The following KAZN variants were observed in gnomAD, a reference collection of about 807,000 sequenced individuals.
KAZN encodes the protein kazrin, periplakin interacting protein.
A neutral mutation model predicts 87.4 loss-of-function variants in KAZN; 40 were observed. The ratio of observed to expected loss-of-function variants is 0.46; its 90% confidence interval spans 0.36 to 0.60. The LOEUF (loss-of-function observed/expected upper bound fraction) is 0.60. Ranked by LOEUF, KAZN falls within the 20% of genes least tolerant of loss-of-function variation. The pLI is 0.00. For synonymous variants in KAZN, 466 were observed against 458.3 expected (o/e 1.02, Z -0.22); for missense variants, 898 against 1,073.9 (o/e 0.84, Z 2.29).
chr1:14,006,461 T>A (rs1410179819), intron 1 of KAZN, among the ~76,000 whole-genome samples: 2 of 152,232 alleles, frequency 1.3e-5, no homozygotes, highest in African/African-American at 4.8e-5. Context: ...GGAAATTTTC[T>A]ACGAATTTTA....
rs189805233 is a variant in KAZN, at chr1:14,669,744, C to G, written c.226+70521C>G. Among the ~76,000 whole-genome samples, 332 of 152,260 alleles carry G rather than the reference C, an allele frequency of 2.2e-3. 5 individuals carry two copies. Among genetic ancestry groups the G allele is most frequent in the East Asian group, 1.7e-3 (9 of 5,190 alleles). On this transcript the variant is annotated intron_variant, in intron 1 of 14. Transcript: ENST00000376030. Reference sequence around the variant, plus strand: ...CCTTGGTGACAAAATGAGAGCCTGTCTCTAAGAAACAAACAAACAAAAAAC... The same window carrying G: ...CCTTGGTGACAAAATGAGAGCCTGTGTCTAAGAAACAAACAAACAAAAAAC...
At chr1:14,924,321 A>G in intron 1 of KAZN, 3 of 985,812 alleles carry the variant, frequency 3.0e-6, no homozygotes, top group Non-Finnish European at 3.6e-6. Context: ...GCGCCGTCGG[A>G]GCCCCTCGCG....
At chr1:14,203,640 A>C (rs16853788) in intron 2 of KAZN, among the ~76,000 whole-genome samples, 6,040 of 152,300 alleles carry the variant, frequency 0.04, 187 homozygotes, top group East Asian at 0.098. Flanking sequence ...GGCCTTCTGA[A>C]AAGGTGGCCT....
chr1:14,330,748 A>C (rs1259933468), intron 2 of KAZN, among the ~76,000 whole-genome samples: 1 of 152,142 alleles, frequency 6.6e-6, no homozygotes. Flanking sequence ...AATTCTAAGC[A>C]TGAATGCGTG....
chr1:14,150,636 T>C (rs1645452144), intron 1 of KAZN, among the ~76,000 whole-genome samples: 1 of 152,174 alleles, frequency 6.6e-6, no homozygotes, highest in African/African-American at 2.4e-5. Context: ...TGGTATCAAC[T>C]AGGAGCCATG....
intron 2 of KAZN, among the ~76,000 whole-genome samples, chr1:14,568,719 C>G (rs1292204522): frequency 6.6e-6 from 1 of 152,178 alleles, no homozygotes; most frequent in Non-Finnish European, 1.5e-5. Context: ...CTCTTGATAC[C>G]CTGAGCAGAA....
intron 1 of KAZN, among the ~76,000 whole-genome samples, chr1:14,704,005 A>G (rs1367210442): frequency 6.6e-6 from 1 of 152,248 alleles, no homozygotes; most frequent in Non-Finnish European, 1.5e-5. Flanking sequence ...TACCAAGTCC[A>G]GGATTAGACA....
chr1:14,124,696 G>A (rs375062711), intron 1 of KAZN, among the ~76,000 whole-genome samples: 1 of 113,528 alleles, frequency 8.8e-6, no homozygotes, highest in Non-Finnish European at 1.7e-5. Context: ...CAGTCCCCTC[G>A]AGTGCTGGCA....
chr1:14,987,260 C>T (rs1666914477), intron 2 of KAZN, among the ~76,000 whole-genome samples: 1 of 152,076 alleles, frequency 6.6e-6, no homozygotes, highest in African/African-American at 2.4e-5. Context: ...TTTGGGAGGC[C>T]AAGGTGGGCA....
intron 1 of KAZN, among the ~76,000 whole-genome samples, chr1:14,670,353 AG>A (rs1183132101): frequency 6.6e-6 from 1 of 151,202 alleles, no homozygotes; most frequent in African/African-American, 2.4e-5. Context: ...CGTTGAAAAC[AG>A]GTTGCTGGGT....
intron 2 of KAZN, among the ~76,000 whole-genome samples, chr1:15,011,353 A>G (rs1180727779): frequency 6.6e-6 from 1 of 152,148 alleles, no homozygotes; most frequent in Non-Finnish European, 1.5e-5. Flanking sequence ...TTTGCTTCCA[A>G]AATGCTCAGG....
At position 15,104,087 on chromosome 1, in the gene KAZN, T is replaced by G; in HGVS notation, c.1946T>G (p.Phe649Cys). The part of the protein sequence containing the change: ...HGAVLVLEPT[F>C]NAEAMATALG... The stretch of plus-strand genomic sequence containing the variant: ...GCTGTGCTGGTGCTGGAGCCCACAT[T>G]CAATGCCGAGGCCATGGCCACTGCC... Residue 649 changes from phenylalanine (F) to cysteine (C), a missense_variant, in exon 13 of 15, where the codon TTC becomes TGC. Phe to Cys is a radical substitution (Grantham distance 205, BLOSUM62 -2). This residue lies in a region of KAZN where 521 missense variants were observed against 689.4 expected (regional missense o/e 0.76). Coordinates refer to ENST00000376030, the MANE Select transcript of KAZN (RefSeq NM_201628.3). 6.2e-7 allele frequency: 1 copy of G among 1,613,300 alleles called. No homozygotes were observed. Among genetic ancestry groups the G allele is most frequent in the South Asian group, 1.1e-5 (1 of 90,758 alleles).
At chr1:14,997,200 CTTTCATTT>C (rs1212044237) in intron 2 of KAZN, among the ~76,000 whole-genome samples, 16 of 126,864 alleles carry the variant, frequency 1.3e-4, no homozygotes, top group Admixed American at 4.1e-4. Context: ...TTCTTTCTTT[CTTTCATTT>C]ATTTATTTAT....
chr1:13,992,422 A>G (rs1390074451), intron 1 of KAZN, among the ~76,000 whole-genome samples: 2 of 152,054 alleles, frequency 1.3e-5, no homozygotes, highest in Non-Finnish European at 2.9e-5. Flanking sequence ...TTTTGCTGTC[A>G]CTTCTTAGTC....
intron 1 of KAZN, among the ~76,000 whole-genome samples, chr1:14,868,094 A>G (rs1651726349): frequency 8.3e-6 from 1 of 120,388 alleles, no homozygotes; most frequent in East Asian, 2.6e-4. Context: ...TACGCACGGT[A>G]TCACATACAC....
At chr1:14,956,702 T>C (rs995514557) in intron 1 of KAZN, among the ~76,000 whole-genome samples, 11 of 151,992 alleles carry the variant, frequency 7.2e-5, no homozygotes, top group African/African-American at 2.4e-4. Context: ...TATTGTGAAA[T>C]AGACTCTTAG....
At chr1:15,068,936 T>A (rs1639387061) in intron 8 of KAZN, among the ~76,000 whole-genome samples, 1 of 151,568 alleles carries the variant, frequency 6.6e-6, no homozygotes, top group South Asian at 2.1e-4. Context: ...TGCAAATGGA[T>A]GTGGTAGGAT....
At chr1:14,688,816 A>G (rs556604927) in intron 1 of KAZN, among the ~76,000 whole-genome samples, 1 of 152,370 alleles carries the variant, frequency 6.6e-6, no homozygotes, top group African/African-American at 2.4e-5. Flanking sequence ...AAGGCAAATA[A>G]TATGCATAGT....
At chr1:14,280,904 G>A (rs1652797025) in intron 2 of KAZN, among the ~76,000 whole-genome samples, 2 of 152,176 alleles carry the variant, frequency 1.3e-5, no homozygotes, top group African/African-American at 4.8e-5. Context: ...ATTTTACAGA[G>A]GATGAAACTG....
Sources: gnomAD v4.1 joint callset for allele counts (sites outside exome capture counted in the v4.1 genomes callset) on GRCh38, gnomAD v4.1.1 for gene constraint, gnomAD v4.1.1 regional missense constraint, MANE v1.5 for transcripts, NCBI Gene and HGNC (gene_info 2026-07-23, HGNC 2026-07-21) for gene names.